ETV6: variants seen among roughly 807,000 people sequenced by gnomAD.
The protein encoded by ETV6 is ETS variant transcription factor 6, also known as transcription factor ETV6.
In ETV6, 16 loss-of-function variants were observed where a neutral mutation model predicts 51.1. The observed-to-expected ratio is 0.31, with a 90% CI of 0.21 to 0.48. ETV6 has a LOEUF of 0.48. Among genes scored for constraint, ETV6 ranks in the 20% least tolerant of loss-of-function variants. ETV6 has a pLI of 0.99. For synonymous variants in ETV6, 240 were observed against 224.1 expected (o/e 1.07, Z -0.64); for missense variants, 458 against 594.8 (o/e 0.77, Z 2.39).
intron 2 of ETV6, among the ~76,000 whole-genome samples, chr12:11,830,437 G>C (rs1218498301): frequency 6.6e-6 from 1 of 152,240 alleles, no homozygotes; most frequent in African/African-American, 2.4e-5. Context: ...CTGAACTTCA[G>C]TTTCTTCTGA....
intron 4 of ETV6, among the ~76,000 whole-genome samples, chr12:11,859,120 T>C (rs1182498511): frequency 0.011 from 29 of 2,696 alleles, 12 homozygotes; most frequent in East Asian, 0.03. Flanking sequence ...ATGAATCTGG[T>C]TTTTTTTTTT....
chr12:11,661,967 T>G (rs568293718), intron 1 of ETV6, among the ~76,000 whole-genome samples: 15 of 152,212 alleles, frequency 9.9e-5, no homozygotes, highest in Non-Finnish European at 1.9e-4. Context: ...GATGATCCTC[T>G]AATCTTTTGC....
At chr12:11,810,361 A>G (rs1278957170) in intron 2 of ETV6, among the ~76,000 whole-genome samples, 1 of 152,210 alleles carries the variant, frequency 6.6e-6, no homozygotes, top group Non-Finnish European at 1.5e-5. Context: ...TCCTTATTTC[A>G]GAAAGAGCAC....
At chr12:11,790,083 C>A (rs986916262) in intron 2 of ETV6, among the ~76,000 whole-genome samples, 3 of 117,934 alleles carry the variant, frequency 2.5e-5, no homozygotes, top group Admixed American at 2.0e-4. Flanking sequence ...ATTCCTCAAC[C>A]TTTTTTGTCA....
intron 1 of ETV6, among the ~76,000 whole-genome samples, chr12:11,726,949 A>G (rs141084723): frequency 1.6e-3 from 242 of 152,342 alleles, no homozygotes; most frequent in African/African-American, 5.7e-3. Context: ...TCCAGTTTAC[A>G]GGTGAGGAAA....
Position 11,891,120 on chromosome 12 carries a change from C to A in ETV6, c.*74C>A. 8.4e-7 allele frequency: 1 copy of A among 1,192,860 alleles called. No individual in the cohort carries two copies. The highest frequency in any genetic ancestry group is 1.9e-5 in the Admixed American group (1 of 53,078). 73.9% of individuals were successfully genotyped at this position (1,192,860 alleles called of 1,614,324 possible). On this transcript the variant is annotated 3_prime_UTR_variant, in exon 8 of 8. Transcript: ENST00000396373. ...CCCACCAGGATTGCTGGAAGTGTGACGGAGCAGGCGGGCTGAGGAGAGTGG... is the reference window on the plus strand; with the variant it reads ...CCCACCAGGATTGCTGGAAGTGTGAAGGAGCAGGCGGGCTGAGGAGAGTGG...
chr12:11,857,354 C>T (rs971480430), intron 4 of ETV6, among the ~76,000 whole-genome samples: 7 of 152,158 alleles, frequency 4.6e-5, no homozygotes, highest in Admixed American at 1.3e-4. Flanking sequence ...TGACAGTAGA[C>T]GAGGATGATC....
chr12:11,714,899 G>T (rs989512032), intron 1 of ETV6, among the ~76,000 whole-genome samples: 5 of 152,158 alleles, frequency 3.3e-5, no homozygotes, highest in African/African-American at 9.7e-5. Context: ...AGTATGGTCA[G>T]TTCTGTGTTT....
At chr12:11,668,287 T>C (rs1864234369) in intron 1 of ETV6, among the ~76,000 whole-genome samples, 2 of 152,226 alleles carry the variant, frequency 1.3e-5, no homozygotes, top group Non-Finnish European at 2.9e-5. Flanking sequence ...ACAAGTGCCC[T>C]GTGTAGATGT....
intron 1 of ETV6, among the ~76,000 whole-genome samples, chr12:11,659,352 T>C (rs1363000551): frequency 2.0e-5 from 3 of 152,156 alleles, no homozygotes; most frequent in African/African-American, 7.2e-5. Context: ...TTTTGAGGAA[T>C]TGTGGAGAAA....
chr12:11,717,333 G>A (rs932802152), intron 1 of ETV6, among the ~76,000 whole-genome samples: 1 of 152,230 alleles, frequency 6.6e-6, no homozygotes, highest in Non-Finnish European at 1.5e-5. Context: ...CGCAGGCGGC[G>A]CTAAGTGACA....
intron 1 of ETV6, among the ~76,000 whole-genome samples, chr12:11,743,522 G>T (rs143171403): frequency 6.9e-4 from 105 of 152,174 alleles, no homozygotes; most frequent in Non-Finnish European, 1.1e-3. Flanking sequence ...AGCTTTGCTG[G>T]GGCTGCCTAG....
At chr12:11,738,025 TA>T (rs1865736787) in intron 1 of ETV6, among the ~76,000 whole-genome samples, 1 of 152,172 alleles carries the variant, frequency 6.6e-6, no homozygotes, top group Admixed American at 6.5e-5. Flanking sequence ...CAAGTTGCAT[TA>T]AACTGTAAGG....
intron 2 of ETV6, among the ~76,000 whole-genome samples, chr12:11,803,658 AG>A (rs1177719074): frequency 6.6e-6 from 1 of 152,192 alleles, no homozygotes; most frequent in African/African-American, 2.4e-5. Flanking sequence ...ATGGTGATTT[AG>A]TTTGGGGCAC....
intron 1 of ETV6, among the ~76,000 whole-genome samples, chr12:11,736,386 A>C (rs981293393): frequency 6.6e-6 from 1 of 152,156 alleles, no homozygotes; most frequent in Non-Finnish European, 1.5e-5. Context: ...AACAACTTTG[A>C]TCCTTGAGAT....
chr12:11,803,030 T>G (rs1945774027), intron 2 of ETV6, among the ~76,000 whole-genome samples: 1 of 152,222 alleles, frequency 6.6e-6, no homozygotes, highest in African/African-American at 2.4e-5. Flanking sequence ...CAAAGTCCAT[T>G]TCTCCACAAG....
At chr12:11,676,454 C>T (rs1037904611) in intron 1 of ETV6, among the ~76,000 whole-genome samples, 3 of 152,208 alleles carry the variant, frequency 2.0e-5, no homozygotes, top group Admixed American at 6.5e-5. Context: ...CTGTCCCTTG[C>T]TCTTTGTCTT....
At chr12:11,784,743 G>A (rs966904002) in intron 2 of ETV6, among the ~76,000 whole-genome samples, 2 of 151,998 alleles carry the variant, frequency 1.3e-5, no homozygotes, top group Admixed American at 6.6e-5. Flanking sequence ...CTCTTGCCTC[G>A]GCTGGAGTGC....
At chr12:11,835,430 G>T (rs1273973507) in intron 2 of ETV6, among the ~76,000 whole-genome samples, 1 of 152,176 alleles carries the variant, frequency 6.6e-6, no homozygotes, top group Non-Finnish European at 1.5e-5. Context: ...AGTTGCAAGA[G>T]ATGGCCGTAA....
Sources: allele counts gnomAD v4.1 joint callset (sites outside exome capture counted in the v4.1 genomes callset), GRCh38; gene constraint gnomAD v4.1.1; transcripts MANE v1.5; gene names NCBI Gene and HGNC (gene_info 2026-07-23, HGNC 2026-07-21).